Variants in HUS1 observed in about 807,000 individuals in gnomAD.
HUS1 encodes the protein HUS1 checkpoint clamp component.
HUS1 carries 31 observed loss-of-function variants against 32.6 expected under a neutral mutation model. The ratio of observed to expected loss-of-function variants is 0.95; its 90% CI spans 0.72 to 1.28. The LOEUF is 1.28. Ranked by LOEUF, HUS1 falls within the 50% of genes most tolerant of loss-of-function variation. The pLI is 0.00. For missense variants in HUS1, 340 were observed against 337.7 expected (o/e 1.01, Z -0.05); for synonymous variants, 123 against 116.6 (o/e 1.06, Z -0.36).
In HUS1 at chr7:47,975,355, A is replaced by C. The variant is rs140158682; in HGVS notation, c.540+258T>G. Among the ~76,000 whole-genome samples the C allele has an allele frequency of 7.3e-3, 1,109 of 151,958 alleles. 19 individuals are homozygous for C. The highest frequency in any genetic ancestry group is 0.025 in the African/African-American group (1,041 of 41,432). On this transcript the variant is annotated intron_variant, in intron 5 of 7. Transcript: ENST00000258774. ...AAAAAAGAAAGATACAATGTTTCAT[A>C]CAAAATATAAGAGGAAAAACAGGCA... is the stretch of plus-strand genomic sequence containing the variant.
chr7:47,974,129 T>C (rs1378845993), intron 5 of HUS1, among the ~76,000 whole-genome samples: 1 of 152,196 alleles, frequency 6.6e-6, no homozygotes, highest in East Asian at 1.9e-4. Context: ...CAAATGTACA[T>C]TTTCTAGGCT....
chr7:47,975,344 C>T (rs1020164559), intron 5 of HUS1, among the ~76,000 whole-genome samples: 2 of 147,822 alleles, frequency 1.4e-5, no homozygotes, highest in African/African-American at 5.0e-5. Context: ...AAGAAAGATA[C>T]AATGTTTCAT....
rs1031277422 is a variant in HUS1 at position 47,968,034 on chromosome 7, T to C, written c.641-109A>G. The C allele has an allele frequency of 3.4e-6, 4 of 1,165,516 alleles. No individual in the cohort carries two copies. In the African/African-American group the frequency reaches 4.6e-5, roughly 14 times the overall value. The allele number at this position is 1,165,516 out of a possible 1,614,324, so 72.2% of individuals were successfully genotyped here. Reference sequence around the variant, plus strand: ...AAATGATTCACTTTAGCACTGATTTTAGCATCCTGAAGAAATATTGCAACT... The same window carrying C: ...AAATGATTCACTTTAGCACTGATTTCAGCATCCTGAAGAAATATTGCAACT... On this transcript the variant is annotated intron_variant, in intron 6 of 7. Transcript: ENST00000258774.
rs983371620 is a variant in HUS1 at position 47,976,803 on chromosome 7, T to C, written c.392A>G (p.His131Arg). 36 of 1,613,412 alleles carry C rather than the reference T, an allele frequency of 2.2e-5. No homozygotes were observed. The highest frequency in any genetic ancestry group is 2.9e-5 in the Non-Finnish European group (34 of 1,179,470). ...SMSSSSRIVT[H>R]DIPIKVIPRK... ...AGGAATCACCTTTATGGGGATGTCA[T>C]GGGTCACAATGCGGCTACTGCTTGA... The change falls in exon 4 of 8, where the codon CAT (histidine) becomes CGT (arginine). Residue 131 changes from histidine (H) to arginine (R), a missense_variant. Transcript: ENST00000258774.
intron 5 of HUS1, among the ~76,000 whole-genome samples, chr7:47,970,143 G>C (rs1338767683): frequency 3.5e-5 from 5 of 143,508 alleles, no homozygotes; most frequent in African/African-American, 7.7e-5. Flanking sequence ...TGAGGCAGGA[G>C]AATGGCATGA....
chr7:47,976,581 T>C (rs1256190251), intron 4 of HUS1, 149 bp downstream of exon 4: 1 of 654,484 alleles, frequency 1.5e-6, no homozygotes, highest in Non-Finnish European at 2.8e-6. Flanking sequence ...TTAAGATGCT[T>C]TATGTAAATA....
At chr7:47,979,035 G>T in intron 1 of HUS1, 1 of 568,186 alleles carries the variant, frequency 1.8e-6, no homozygotes, top group South Asian at 2.2e-5. Flanking sequence ...GTTCAAATAA[G>T]AAAACAGGCA....
rs1171547469 is a variant in HUS1, at chr7:47,963,324, C to T, written c.*2032G>A. ...CTAAGGTTTCTTTAGCCACATTCTACACAAAGATAAAATCTTAAGCCATTC... is the reference window on the plus strand; with the variant it reads ...CTAAGGTTTCTTTAGCCACATTCTATACAAAGATAAAATCTTAAGCCATTC... On this transcript the variant is annotated 3_prime_UTR_variant, in exon 8 of 8. Coordinates refer to ENST00000258774, the MANE Select transcript of HUS1 (RefSeq NM_004507.4). The T allele has an allele frequency of 6.6e-6, 1 of 152,218 alleles. No homozygotes were observed. The highest frequency in any genetic ancestry group is 1.5e-5 in the Non-Finnish European group (1 of 68,044). 9.4% of individuals were successfully genotyped at this position (152,218 alleles called of 1,614,324 possible).
Position 47,979,504 on chromosome 7 carries a change from T to G in HUS1, c.16A>C (p.Lys6Gln). MKFRAKIVDGACLNHF... is the reference protein window; with the variant it reads MKFRAQIVDGACLNHF... ...TTCAGACAGGCCCCGTCCACGATCT[T>G]GGCCCGAAACTTCATGGCCGCGGAT... The change falls in exon 1 of 8, where the codon AAG becomes CAG. Residue 6 changes from lysine (K) to glutamine (Q), a missense_variant. By Grantham distance (53) the Lys-to-Gln change is moderately conservative. Transcript: ENST00000258774. The G allele has an allele frequency of 6.2e-7, 1 of 1,612,672 alleles. No homozygotes were observed. Among genetic ancestry groups the G allele is most frequent in the Non-Finnish European group, 8.5e-7 (1 of 1,179,900 alleles).
At chr7:47,974,248 GAC>G (rs1788653185) in intron 5 of HUS1, among the ~76,000 whole-genome samples, 1 of 152,192 alleles carries the variant, frequency 6.6e-6, no homozygotes, top group Non-Finnish European at 1.5e-5. Context: ...GGGCAGCTGG[GAC>G]ACAAAGATGA....
rs1233976098 is a variant in HUS1, at chr7:47,964,465, T to C, written c.*891A>G. On this transcript the variant is annotated 3_prime_UTR_variant, in exon 8 of 8. Transcript: ENST00000258774. ...TAATTATAATAGGAAATATGATGGG[T>C]ATGTTTCAGGGAGAATGAGCACATC... 1 of 152,170 alleles carries C rather than the reference T, an allele frequency of 6.6e-6. No homozygotes were observed. The highest frequency in any genetic ancestry group is 1.5e-5 in the Non-Finnish European group (1 of 68,032). The allele number at this position is 152,170 out of a possible 1,614,324, so 9.4% of individuals were successfully genotyped here.
rs1428560343 is a variant in HUS1, at chr7:47,975,679, A to C, written c.474T>G (p.Ile158Met). The change falls in exon 5 of 8, where the codon ATT becomes ATG. Residue 158 changes from isoleucine to methionine, a missense_variant. Physicochemically the swap from Ile to Met is conservative, Grantham distance 10. Coordinates refer to ENST00000258774, the MANE Select transcript of HUS1 (RefSeq NM_004507.4). ...EPVVPDPDVS[I>M]YLPVLKTMKS... ...TCATAGTCTTCAAGACTGGTAAATA[A>C]ATACTAACCTACAAAACCAATGAGA... 3 of 1,580,258 alleles carry C rather than the reference A, an allele frequency of 1.9e-6. No individual in the cohort carries two copies. The South Asian group carries it at 3.4e-5, about 18-fold the overall frequency.
chr7:47,965,863 C>T (rs1178344451), intron 7 of HUS1, among the ~76,000 whole-genome samples: 1 of 152,078 alleles, frequency 6.6e-6, no homozygotes, highest in Non-Finnish European at 1.5e-5. Flanking sequence ...CCCTGCATCT[C>T]AACGGTCCTG....
chr7:47,972,326 A>C (rs1788615347), intron 5 of HUS1, among the ~76,000 whole-genome samples: 1 of 152,238 alleles, frequency 6.6e-6, no homozygotes, highest in Non-Finnish European at 1.5e-5. Flanking sequence ...CTTCAGGCTT[A>C]AATGTTCTCT....
At chr7:47,966,203 C>A (rs1296435134) in intron 7 of HUS1, among the ~76,000 whole-genome samples, 1 of 152,056 alleles carries the variant, frequency 6.6e-6, no homozygotes, top group African/African-American at 2.4e-5. Context: ...GTGGCAGGAC[C>A]TAGCTAGAGG....
rs1161884207 is a variant in HUS1 at position 47,976,788 on chromosome 7, T to C, written c.407A>G (p.Lys136Arg). The C allele has an allele frequency of 1.2e-6, 2 of 1,613,624 alleles. No homozygotes were observed. The highest frequency in any genetic ancestry group is 1.7e-6 in the Non-Finnish European group (2 of 1,179,736). ...SRIVTHDIPIKVIPRKLWKDL... is the reference protein window; with the variant it reads ...SRIVTHDIPIRVIPRKLWKDL... ...CTTCCACAATTTCCTAGGAATCACC[T>C]TTATGGGGATGTCATGGGTCACAAT... Residue 136 changes from lysine (K) to arginine (R), a missense_variant, in exon 4 of 8, where the codon AAG (lysine) becomes AGG (arginine). By Grantham distance (26) the Lys-to-Arg change is conservative. Transcript: ENST00000258774.
At chr7:47,974,121 A>T (rs1452561674) in intron 5 of HUS1, among the ~76,000 whole-genome samples, 1 of 152,220 alleles carries the variant, frequency 6.6e-6, no homozygotes, top group African/African-American at 2.4e-5. Flanking sequence ...AAAACAGTCA[A>T]ATGTACATTT....
intron 7 of HUS1, 36 bp from the exon 8 acceptor site, chr7:47,965,474 T>G (rs747995616): frequency 3.5e-6 from 5 of 1,409,822 alleles, no homozygotes; most frequent in Non-Finnish European, 5.0e-6. Context: ...AGAGACCTAG[T>G]GCAGCACACA....
intron 7 of HUS1, among the ~76,000 whole-genome samples, chr7:47,966,081 G>A (rs550990443): frequency 6.6e-6 from 1 of 151,554 alleles, no homozygotes; most frequent in South Asian, 2.1e-4. Context: ...AGGCTGCAGA[G>A]AGGCCAATCC....
Sources: allele counts gnomAD v4.1 joint callset (sites outside exome capture counted in the v4.1 genomes callset), GRCh38; gene constraint gnomAD v4.1.1; transcripts MANE v1.5; gene names NCBI Gene and HGNC (gene_info 2026-07-23, HGNC 2026-07-21).